Variants in VPS53 observed in about 807,000 individuals in gnomAD.
VPS53 encodes the protein vacuolar protein sorting-associated protein 53 homolog.
VPS53 carries 70 observed loss-of-function variants against 107.0 expected under a neutral mutation model. The ratio of observed to expected loss-of-function variants is 0.65; its 90% CI spans 0.54 to 0.80. The LOEUF (loss-of-function observed/expected upper bound fraction) is 0.80. VPS53 is among the 30% of genes least tolerant of loss of function. VPS53 has a pLI of 0.00. For synonymous variants in VPS53, 409 were observed against 393.3 expected (o/e 1.04, Z -0.47); for missense variants, 917 against 1,049.4 (o/e 0.87, Z 1.74).
intron 13 of VPS53, among the ~76,000 whole-genome samples, chr17:563,215 C>T (rs892492075): frequency 1.3e-5 from 2 of 151,170 alleles, no homozygotes; most frequent in African/African-American, 2.4e-5. Context: ...TGATAGTGAT[C>T]GTTTTCTGAA....
At chr17:666,666 AAACAAC>A (rs769241216) in intron 4 of VPS53, among the ~76,000 whole-genome samples, 1 of 151,896 alleles carries the variant, frequency 6.6e-6, no homozygotes, top group African/African-American at 2.4e-5. Context: ...CTCCATCTCA[AAACAAC>A]AACAACAACA....
At chr17:692,018 C>T (rs1972792694) in intron 4 of VPS53, among the ~76,000 whole-genome samples, 1 of 152,158 alleles carries the variant, frequency 6.6e-6, no homozygotes, top group South Asian at 2.1e-4. Context: ...ATTCTCTTCT[C>T]CTCCCAAACC....
chr17:581,003 G>T (rs942760871), intron 13 of VPS53, among the ~76,000 whole-genome samples: 1 of 151,532 alleles, frequency 6.6e-6, no homozygotes, highest in African/African-American at 2.4e-5. Flanking sequence ...AGAACTTAAT[G>T]CATTCCCAGA....
rs1425555079 is a variant in VPS53, at chr17:560,406, G to A, written c.1704+20C>T. The A allele has an allele frequency of 6.2e-7, 1 of 1,603,998 alleles. No homozygotes were observed. The highest frequency in any genetic ancestry group is 8.5e-7 in the Non-Finnish European group (1 of 1,174,506). On this transcript the variant is annotated intron_variant, in intron 15 of 21. Transcript: ENST00000437048. The stretch of plus-strand genomic sequence containing the variant: ...GGTTCAGGAAAAGGAGGTGGTGAGT[G>A]GGCAGCCAGGATGGCTCACCTGCTG...
chr17:597,607 A>C (rs1200673939), intron 12 of VPS53, among the ~76,000 whole-genome samples: 1 of 152,036 alleles, frequency 6.6e-6, no homozygotes, highest in Non-Finnish European at 1.5e-5. Context: ...CAATGGCGTG[A>C]TCTCGGCTCA....
At chr17:706,738 A>G (rs1973418338) in intron 2 of VPS53, among the ~76,000 whole-genome samples, 1 of 152,056 alleles carries the variant, frequency 6.6e-6, no homozygotes, top group Admixed American at 6.6e-5. Context: ...CGAATGAGTG[A>G]ATTTTGGATT....
chr17:519,201 A>G lies in VPS53; in HGVS notation c.2426T>C (p.Leu809Pro), dbSNP rs1908529046. The G allele has an allele frequency of 6.5e-7, 1 of 1,548,876 alleles. No homozygotes were observed. The highest frequency in any genetic ancestry group is 1.2e-5 in the South Asian group (1 of 83,772). ...CTCTTGCTCTGGTGTTGGCGCCGTC[A>G]GGGACAGTGAGCCGGAGCTTTCTGC... ...SGAESSGSLSLTAPTPEQESS... is the reference protein window; with the variant it reads ...SGAESSGSLSPTAPTPEQESS... The change falls in exon 22 of 22, where the codon CTG becomes CCG. Residue 809 changes from leucine (L) to proline (P), a missense_variant. Coordinates refer to ENST00000437048, the MANE Select transcript of VPS53 (RefSeq NM_001128159.3). The surrounding 1 kb of genome is among the most constrained non-coding windows in gnomAD (Gnocchi z 5.0).
In VPS53 at chr17:675,749, A is replaced by G. The variant is rs1449503103; in HGVS notation, c.286-13854T>C. The G allele has an allele frequency of 4.1e-5, 5 of 121,536 alleles. No homozygotes were observed. The Admixed American group carries it at 5.6e-4, about 14-fold the overall frequency. The allele number at this position is 121,536 out of a possible 1,614,324, so 7.5% of individuals were successfully genotyped here. ...AGATCACACCTCCATCCTGGGCGAC[A>G]GGGCGAGACTCCCATCTCAAAAAAA... On this transcript the variant is annotated intron_variant, in intron 4 of 21. Coordinates refer to ENST00000437048, the MANE Select transcript of VPS53 (RefSeq NM_001128159.3).
intron 18 of VPS53, among the ~76,000 whole-genome samples, chr17:534,507 A>C (rs966026339): frequency 1.3e-5 from 2 of 152,180 alleles, no homozygotes; most frequent in African/African-American, 4.8e-5. Context: ...ACAAGGGGCT[A>C]TTTGGAAGGA....
intron 15 of VPS53, among the ~76,000 whole-genome samples, chr17:553,910 G>A (rs1037787583): frequency 1.5e-4 from 23 of 152,016 alleles, no homozygotes; most frequent in African/African-American, 4.8e-4. Flanking sequence ...TATTATCATC[G>A]TCATTTTACA....
intron 12 of VPS53, among the ~76,000 whole-genome samples, chr17:596,769 G>A (rs1244499497): frequency 2.0e-5 from 3 of 152,206 alleles, no homozygotes; most frequent in Non-Finnish European, 4.4e-5. Flanking sequence ...TGCCCAAAGG[G>A]TTGATTCTCA....
chr17:540,239 A>C (rs1910520590), intron 17 of VPS53: 2 of 152,056 alleles, frequency 1.3e-5, no homozygotes, highest in Admixed American at 1.3e-4. Context: ...GCTGGAGTGC[A>C]GTGGTACAAT....
rs1969798924 is a variant in VPS53 at position 628,196 on chromosome 17, T to C, written c.723A>G (p.Ala241=). 2 of 1,614,090 alleles carry C rather than the reference T, an allele frequency of 1.2e-6. No individual in the cohort carries two copies. Among genetic ancestry groups the C allele is most frequent in the East Asian group, 2.2e-5 (1 of 44,886 alleles). ...GATCTAGAATATTAGCAACCAGACATGCATCTCGTAGAACATTGCTGGGTC... is the reference window on the plus strand; with the variant it reads ...GATCTAGAATATTAGCAACCAGACACGCATCTCGTAGAACATTGCTGGGTC... The part of the protein sequence containing the change: ...PGGPSNVLRD[A]CLVANILDPR... Residue 241 remains alanine, a synonymous_variant, in exon 9 of 22, where the codon GCA becomes GCG. Coordinates refer to ENST00000437048, the MANE Select transcript of VPS53 (RefSeq NM_001128159.3).
intron 19 of VPS53, among the ~76,000 whole-genome samples, chr17:530,550 T>C (rs769072073): frequency 6.6e-6 from 1 of 152,222 alleles, no homozygotes; most frequent in Non-Finnish European, 1.5e-5. Flanking sequence ...GTTTCCTCCT[T>C]TCTAATCTGT....
intron 10 of VPS53, 81 bp downstream of exon 10, chr17:627,093 A>T: frequency 1.3e-6 from 2 of 1,528,352 alleles, no homozygotes; most frequent in Non-Finnish European, 1.8e-6. Flanking sequence ...AATCCACAGG[A>T]CAACATGGAA....
At chr17:666,179 G>A (rs903134478) in intron 4 of VPS53, among the ~76,000 whole-genome samples, 1 of 152,146 alleles carries the variant, frequency 6.6e-6, no homozygotes, top group Admixed American at 6.6e-5. Context: ...GAATACACAA[G>A]AGAAGAAAAG....
intron 17 of VPS53, among the ~76,000 whole-genome samples, chr17:546,206 G>A (rs1185219354): frequency 1.3e-5 from 2 of 152,064 alleles, no homozygotes; most frequent in African/African-American, 4.8e-5. Context: ...AAATTAACTC[G>A]AAATGGATTG....
At chr17:609,958 T>TCTA (rs1968773114) in intron 11 of VPS53, among the ~76,000 whole-genome samples, 1 of 151,910 alleles carries the variant, frequency 6.6e-6, no homozygotes, top group South Asian at 2.1e-4. Context: ...TGAAACCGTC[T>TCTA]CTACTAAAAA....
At chr17:610,597 G>C (rs1968816040) in intron 11 of VPS53, among the ~76,000 whole-genome samples, 1 of 151,950 alleles carries the variant, frequency 6.6e-6, no homozygotes, top group Non-Finnish European at 1.5e-5. Context: ...CAAATCATAT[G>C]TCTGATACAT....
Sources: allele counts gnomAD v4.1 joint callset (sites outside exome capture counted in the v4.1 genomes callset), GRCh38; gene constraint gnomAD v4.1.1; non-coding constraint Gnocchi (gnomAD v3.1); transcripts MANE v1.5; gene names NCBI Gene and HGNC (gene_info 2026-07-23, HGNC 2026-07-21).